HOOK2: variants seen among roughly 807,000 people sequenced by gnomAD.
HOOK2 encodes protein Hook homolog 2.
In HOOK2, 108 loss-of-function variants were observed where a neutral mutation model predicts 111.9. The ratio of observed to expected loss-of-function variants is 0.96; its 90% confidence interval spans 0.83 to 1.13. The LOEUF is 1.13. HOOK2 is among the 50% of genes most tolerant of loss of function. The pLI is 0.00. For missense variants in HOOK2, 978 were observed against 951.3 expected, an observed-to-expected ratio of 1.03 and a Z score of -0.37; for synonymous variants, 405 against 394.3, an observed-to-expected ratio of 1.03 and a Z score of -0.32.
At position 12,769,675 on chromosome 19, in the gene HOOK2, A is replaced by G. The variant is rs75717095; in HGVS notation, c.1104+206T>C. On this transcript the variant is annotated intron_variant, in intron 11 of 22. Coordinates refer to ENST00000397668, the MANE Select transcript of HOOK2 (RefSeq NM_013312.3). ...CATGGTGAAGCGGCGGGCATCAAAG[A>G]ATTTAGAGGAGCGGTACTTAAGGGA... 7.3e-3 allele frequency among the ~76,000 whole-genome samples: 1,108 copies of G among 152,266 alleles called. 35 individuals are homozygous for G. The East Asian group carries it at 0.081, about 11-fold the overall frequency.
At chr19:12,775,825 C>T (rs1968490686), upstream of HOOK2, among the ~76,000 whole-genome samples, 2 of 151,722 alleles carry the variant, frequency 1.3e-5, no homozygotes, top group Non-Finnish European at 2.9e-5. Flanking sequence ...GTGCTCCACC[C>T]TGTTACACAA....
At chr19:12,774,122 TGAGAC>T in intron 3 of HOOK2, 1 of 155,412 alleles carries the variant, frequency 6.4e-6, no homozygotes, top group Admixed American at 6.3e-5. Flanking sequence ...TTCTTCTTCT[TGAGAC>T]AAGAGTCTCG....
At chr19:12,767,285 G>T in intron 14 of HOOK2, 110 bp downstream of exon 14, 1 of 887,266 alleles carries the variant, frequency 1.1e-6, no homozygotes, top group Non-Finnish European at 1.8e-6. Flanking sequence ...GGCACCTGGA[G>T]CTGAGACCAA....
chr19:12,783,553 T>C (rs1310289799), intron 3 of HOOK2, among the ~76,000 whole-genome samples: 3 of 151,678 alleles, frequency 2.0e-5, no homozygotes, highest in Non-Finnish European at 4.4e-5. Context: ...ACCCCACATG[T>C]ACCATTTTTA....
rs761920941 is a variant in HOOK2, at chr19:12,791,511, C to T, written n.42-17286G>A. 15 of 432,484 alleles carry T rather than the reference C, an allele frequency of 3.5e-5. No homozygotes were observed. Among genetic ancestry groups the T allele is most frequent in the South Asian group, 7.6e-5 (2 of 26,248 alleles). 26.8% of individuals were successfully genotyped at this position (432,484 alleles called of 1,614,324 possible). On this transcript the variant is annotated intron_variant and non_coding_transcript_variant, in intron 3 of 3. Transcript: ENST00000589765. This position sits in a 1 kb window ranked among gnomAD's most constrained non-coding sequence, Gnocchi z 7.0. ...GGGACCTTGAGAGCGGCCAGGCCAG[C>T]CTCGGAGCCAGCAGGGAGCTGGGAG...
chr19:12,773,227 G>GTTT, intron 3 of HOOK2, 183 bp from the exon 4 acceptor site: 3 of 283,626 alleles, frequency 1.1e-5, no homozygotes, highest in Non-Finnish European at 1.9e-5. Flanking sequence ...GACCATCTTT[G>GTTT]TTTCTTTTTT....
chr19:12,791,956 G>A lies in HOOK2; in HGVS notation n.42-17731C>T. The A allele has an allele frequency of 1.9e-6, 3 of 1,611,060 alleles. No individual in the cohort carries two copies. Among genetic ancestry groups the A allele is most frequent in the Non-Finnish European group, 2.5e-6 (3 of 1,179,336 alleles). Reference sequence around the variant, plus strand: ...GGGGCTCGCGGACCCGGCCCAGAGGGCGGCGGTGGCGGCAGCTACTTTTCT... The same window carrying A: ...GGGGCTCGCGGACCCGGCCCAGAGGACGGCGGTGGCGGCAGCTACTTTTCT... On this transcript the variant is annotated intron_variant and non_coding_transcript_variant, in intron 3 of 3. Coordinates refer to the HOOK2 transcript ENST00000589765. The surrounding 1 kb of genome is among the most constrained non-coding windows in gnomAD (Gnocchi z 7.0).
chr19:12,792,005 G>A (rs1456949054), intron 3 of HOOK2: 2 of 1,611,736 alleles, frequency 1.2e-6, no homozygotes, highest in Admixed American at 1.7e-5. Flanking sequence ...ACACCGGCGC[G>A]TCTCTCAAGC....
intron 3 of HOOK2, among the ~76,000 whole-genome samples, chr19:12,789,281 G>C (rs1599521879): frequency 6.6e-6 from 1 of 152,050 alleles, no homozygotes; most frequent in East Asian, 1.9e-4. Context: ...TAACTGCTCG[G>C]AAGTCCCACC....
rs779801624 is a variant in HOOK2, at chr19:12,766,182, C to T, written c.1432G>A (p.Asp478Asn). The change falls in exon 15 of 23, where the codon GAC (aspartate) becomes AAC (asparagine). Residue 478 changes from aspartate (D) to asparagine (N), a missense_variant. Around this residue, in one of 5 missense-constraint regions of HOOK2, gnomAD observed 388 missense variants for 358.3 expected, o/e 1.08. Transcript: ENST00000397668. ...TGCAGCTCCTCCTGCCGCTCCCGGTCGGCCGCCTCCTGCCTGCACAGCCGC... is the reference window on the plus strand; with the variant it reads ...TGCAGCTCCTCCTGCCGCTCCCGGTTGGCCGCCTCCTGCCTGCACAGCCGC... ...NKRLCRQEAA[D>N]RERQEELQRH... The T allele has an allele frequency of 3.8e-6, 6 of 1,597,104 alleles. No individual in the cohort carries two copies. The African/African-American group carries it at 5.3e-5, about 14-fold the overall frequency.
chr19:12,771,081 G>T lies in HOOK2; in HGVS notation c.762-9C>A. ...CCCTGCCACTCTCCAGCCTGGGGGT[G>T]TTGGGGGAAGAGCACATGAGGGGGC... On this transcript the variant is annotated splice_polypyrimidine_tract_variant and intron_variant, in intron 9 of 22. Transcript: ENST00000397668. The T allele has an allele frequency of 6.2e-7, 1 of 1,612,162 alleles. No homozygotes were observed. The highest frequency in any genetic ancestry group is 1.1e-5 in the South Asian group (1 of 90,974).
chr19:12,781,018 G>A (rs192021577), upstream of HOOK2, among the ~76,000 whole-genome samples: 14 of 128,264 alleles, frequency 1.1e-4, no homozygotes, highest in Non-Finnish European at 1.7e-4. Flanking sequence ...TAAAGAAAAA[G>A]AAGGCTGGGC....
In HOOK2 at chr19:12,768,057, G is replaced by A. The variant is rs369184380; in HGVS notation, c.1171C>T (p.Arg391Cys). Residue 391 changes from arginine to cysteine, a missense_variant, in exon 12 of 23, where the codon CGC becomes TGC. This residue lies in a region of HOOK2 where 388 missense variants were observed against 358.3 expected (regional missense o/e 1.08). Coordinates refer to ENST00000397668, the MANE Select transcript of HOOK2 (RefSeq NM_013312.3). ...GACTCATACTTTTCCTCCAGGTTGC[G>A]GCATTCAAATAGCCATTTCTCGGCC... is the stretch of plus-strand genomic sequence containing the variant. ...MKAEKWLFEC[R>C]NLEEKYESVT... 9 of 1,614,094 alleles carry A rather than the reference G, an allele frequency of 5.6e-6. No individual in the cohort carries two copies. The highest frequency in any genetic ancestry group is 2.2e-5 in the South Asian group (2 of 91,096).
In HOOK2 at chr19:12,767,448, G is replaced by A; in HGVS notation, c.1320C>T (p.Pro440=). The change falls in exon 14 of 23, where the codon CCC becomes CCT. Residue 440 remains proline (P), a synonymous_variant. Transcript: ENST00000397668. ...CTAAGTTATCCACGGGTGTGGAGGT[G>A]GGATCCAGTGAGGGATCTGAAGAAT... ...GLTQADPSLD[P]TSTPVDNLAA... 1 of 1,613,954 alleles carries A rather than the reference G, an allele frequency of 6.2e-7. No individual in the cohort carries two copies. The highest frequency in any genetic ancestry group is 1.3e-5 in the African/African-American group (1 of 74,990).
chr19:12,791,962 G>C lies in HOOK2; in HGVS notation n.42-17737C>G. 1.9e-6 allele frequency: 3 copies of C among 1,611,258 alleles called. No individual in the cohort carries two copies. The highest frequency in any genetic ancestry group is 2.5e-6 in the Non-Finnish European group (3 of 1,179,384). The stretch of plus-strand genomic sequence containing the variant: ...CGCGGACCCGGCCCAGAGGGCGGCG[G>C]TGGCGGCAGCTACTTTTCTGGTCAG... On this transcript the variant is annotated intron_variant and non_coding_transcript_variant, in intron 3 of 3. Coordinates refer to the HOOK2 transcript ENST00000589765. This position sits in a 1 kb window ranked among gnomAD's most constrained non-coding sequence, Gnocchi z 7.0.
In HOOK2 at chr19:12,771,159, C is replaced by T. The variant is rs760436477; in HGVS notation, c.761G>A (p.Arg254Lys). The change falls in exon 9 of 23, where the codon AGG becomes AAG. Residue 254 changes from arginine (R) to lysine (K), a missense_variant and splice_region_variant. By Grantham distance (26) the Arg-to-Lys change is conservative (BLOSUM62 2). Transcript: ENST00000397668. ...QLEQLQEENF[R>K]LESGREDERL... is the part of the protein sequence containing the mutation. ...TGGCCCAGTCCCCAGCTGACCACAC[C>T]TGAAGTTCTCCTCCTGCAACTGCTC... 6.2e-7 allele frequency: 1 copy of T among 1,613,486 alleles called. No individual in the cohort carries two copies. The highest frequency in any genetic ancestry group is 8.5e-7 in the Non-Finnish European group (1 of 1,179,796).
chr19:12,778,927 C>T (rs1225054185), upstream of HOOK2, among the ~76,000 whole-genome samples: 1 of 152,174 alleles, frequency 6.6e-6, no homozygotes, highest in Non-Finnish European at 1.5e-5. Flanking sequence ...CAGCAGCAAT[C>T]TCTGTTTTGA....
chr19:12,774,481 G>A, intron 3 of HOOK2, 188 bp downstream of exon 3: 1 of 642,268 alleles, frequency 1.6e-6, no homozygotes, highest in South Asian at 1.8e-5. Flanking sequence ...GTTTTTGTCT[G>A]TGTTATTCCT....
Position 12,763,801 on chromosome 19 carries a change from C to T in HOOK2, c.1828-23G>A, listed in dbSNP as rs778957709. 1.9e-6 allele frequency: 3 copies of T among 1,591,100 alleles called. No individual in the cohort carries two copies. In the African/African-American group the frequency reaches 4.0e-5, roughly 21 times the overall value. On this transcript the variant is annotated intron_variant, in intron 20 of 22. Coordinates refer to ENST00000397668, the MANE Select transcript of HOOK2 (RefSeq NM_013312.3). ...GACCTACAGGTTGAGGAAGTCATAG[C>T]CAGGTGACTTTGGCCTTGAAACCCC... is the stretch of plus-strand genomic sequence containing the variant.
Sources: gnomAD v4.1 joint callset for allele counts (sites outside exome capture counted in the v4.1 genomes callset) on GRCh38, gnomAD v4.1.1 for gene constraint, gnomAD v4.1.1 regional missense constraint, Gnocchi (gnomAD v3.1) non-coding constraint, MANE v1.5 for transcripts, NCBI Gene and HGNC (gene_info 2026-07-23, HGNC 2026-07-21) for gene names.